Variants in MAT1A observed in about 807,000 individuals in gnomAD.
The protein encoded by MAT1A is S-adenosylmethionine synthase isoform type-1.
MAT1A carries 19 observed loss-of-function variants against 44.0 expected under a neutral mutation model. The ratio of observed to expected loss-of-function variants is 0.43; its 90% CI spans 0.30 to 0.63. The LOEUF is 0.63. Ranked by LOEUF, MAT1A falls within the 30% of genes least tolerant of loss-of-function variation. MAT1A has a pLI of 0.12. For synonymous variants in MAT1A, 205 were observed against 205.6 expected, an observed-to-expected ratio of 1.00 and a Z score of 0.03; for missense variants, 397 against 531.0, an observed-to-expected ratio of 0.75 and a Z score of 2.48.
At position 80,272,333 on chromosome 10, in the gene MAT1A, G is replaced by C. The variant is rs1306812022; in HGVS notation, c.*1448C>G. The C allele has an allele frequency of 2.6e-5, 4 of 153,126 alleles. No individual in the cohort carries two copies. Among genetic ancestry groups the C allele is most frequent in the East Asian group, 3.8e-4 (2 of 5,228 alleles). The allele number at this position is 153,126 out of a possible 1,614,324, so 9.5% of individuals were successfully genotyped here. A position where few individuals can be genotyped will look rare whatever the true frequency, so the allele number is the denominator to read the frequency against. On this transcript the variant is annotated 3_prime_UTR_variant, in exon 9 of 9. Coordinates refer to ENST00000372213, the MANE Select transcript of MAT1A (RefSeq NM_000429.3). ...GGCTAAGGACAAGTGGGGCAGGTAG[G>C]GCAGGTGCTGCTGGCCATGGATGGA...
chr10:80,275,368 G>C, intron 6 of MAT1A, 169 bp from the exon 7 acceptor site: 1 of 661,062 alleles, frequency 1.5e-6, no homozygotes. Context: ...TCCACTCCCA[G>C]CTCAGTCACT....
intron 6 of MAT1A, 130 bp downstream of exon 6, chr10:80,276,246 T>G: frequency 2.2e-6 from 2 of 923,610 alleles, no homozygotes; most frequent in Non-Finnish European, 3.5e-6. Flanking sequence ...ATTCACCGAC[T>G]TTACATTTAG....
intron 5 of MAT1A, 64 bp downstream of exon 5, chr10:80,280,109 C>T (rs1841543399): frequency 6.4e-7 from 1 of 1,562,672 alleles, no homozygotes; most frequent in Admixed American, 1.7e-5. Context: ...AATCAAGAAT[C>T]AAGAGGATTT....
At chr10:80,279,877 T>C (rs1166752683) in intron 5 of MAT1A, among the ~76,000 whole-genome samples, 3 of 151,986 alleles carry the variant, frequency 2.0e-5, no homozygotes, top group African/African-American at 7.3e-5. Context: ...GCCAGTTAAG[T>C]ATGTTTGTGG....
chr10:80,278,213 T>G (rs1352342416), intron 5 of MAT1A, among the ~76,000 whole-genome samples: 1 of 152,236 alleles, frequency 6.6e-6, no homozygotes, highest in African/African-American at 2.4e-5. Context: ...ATTGGCATTT[T>G]CGAGACAATC....
At chr10:80,286,974 T>C (rs889981473) in intron 1 of MAT1A, among the ~76,000 whole-genome samples, 11 of 152,266 alleles carry the variant, frequency 7.2e-5, no homozygotes, top group African/African-American at 2.7e-4. Flanking sequence ...CTCCTGCCAG[T>C]GGCAGACCCT....
rs772736500 is a variant in MAT1A, at chr10:80,284,007, C to T, written c.201G>A (p.Leu67=). The change falls in exon 3 of 9, where the codon CTG becomes CTA. Residue 67 remains leucine (L), a synonymous_variant. Coordinates refer to ENST00000372213, the MANE Select transcript of MAT1A (RefSeq NM_000429.3). ...ETVCKTGMVL[L]CGEITSMAMV... ...TGGCCATTGAGGTGATCTCACCACA[C>T]AGCAGCACCATGCCGGTCTTGCACA... The T allele has an allele frequency of 3.7e-6, 6 of 1,614,206 alleles. No individual in the cohort carries two copies. In the Admixed American group the frequency reaches 5.0e-5, roughly 13 times the overall value.
rs1841417561 is a variant in MAT1A at position 80,272,124 on chromosome 10, GCCAAGGC to G, written c.*1650_*1656del. 6.6e-6 allele frequency: 1 copy of G among 152,148 alleles called. No homozygotes were observed. The highest frequency in any genetic ancestry group is 2.4e-5 in the African/African-American group (1 of 41,398). The allele number at this position is 152,148 out of a possible 1,614,324, so 9.4% of individuals were successfully genotyped here. A position where few individuals can be genotyped will look rare whatever the true frequency, so the allele number is the denominator to read the frequency against. On this transcript the variant is annotated 3_prime_UTR_variant, in exon 9 of 9. Transcript: ENST00000372213. ...GAAAGCCAGGGTCTTTGTGCTCCAG[GCCAAGGC>G]CCAGATGCTGGCTGCCTGCTCCCCA...
intron 3 of MAT1A, among the ~76,000 whole-genome samples, chr10:80,281,469 A>G (rs1841566284): frequency 6.6e-6 from 1 of 152,146 alleles, no homozygotes. Flanking sequence ...CTGGACTAGC[A>G]GTAGCTCAGC....
chr10:80,275,056 A>G lies in MAT1A; in HGVS notation c.912T>C (p.Ser304=). The G allele has an allele frequency of 6.4e-7, 1 of 1,566,062 alleles. No homozygotes were observed. The highest frequency in any genetic ancestry group is 1.4e-5 in the African/African-American group (1 of 73,726). The change falls in exon 7 of 9, where the codon TCT becomes TCC. Residue 304 remains serine, a synonymous_variant. Coordinates refer to ENST00000372213, the MANE Select transcript of MAT1A (RefSeq NM_000429.3). ...TCCGGCAGAGCCCTGCTTTCACCAG[A>G]GACTTGGCCACCCAGCGGGCAGCAT... ...AAYAARWVAK[S]LVKAGLCRRV...
At chr10:80,275,999 G>A (rs540475917) in intron 6 of MAT1A, among the ~76,000 whole-genome samples, 1 of 152,310 alleles carries the variant, frequency 6.6e-6, no homozygotes, top group African/African-American at 2.4e-5. Flanking sequence ...TGAAGATCTG[G>A]AAACAGCCAC....
chr10:80,284,638 G>A (rs1003984373), intron 2 of MAT1A, among the ~76,000 whole-genome samples: 1 of 152,238 alleles, frequency 6.6e-6, no homozygotes, highest in African/African-American at 2.4e-5. Flanking sequence ...AGTAAGGAGA[G>A]CAAGGCTCTG....
rs757190246 is a variant in MAT1A, at chr10:80,280,262, T to C, written c.460A>G (p.Ile154Val). ...GCGTTGAGCTTGTGAGCAAGGATGA[T>C]GGTGAGGGGCATGCACTCCTCTGTC... ...DETEECMPLT[I>V]ILAHKLNARM... is the part of the protein sequence containing the mutation. The change falls in exon 5 of 9, where the codon ATC (isoleucine) becomes GTC (valine). Residue 154 changes from isoleucine to valine, a missense_variant. Transcript: ENST00000372213. 6.8e-6 allele frequency: 11 copies of C among 1,613,804 alleles called. No individual in the cohort carries two copies. Among genetic ancestry groups the C allele is most frequent in the Non-Finnish European group, 8.5e-6 (10 of 1,179,974 alleles).
At chr10:80,285,475 T>C in intron 2 of MAT1A, 37 bp downstream of exon 2, 1 of 1,576,282 alleles carries the variant, frequency 6.3e-7, no homozygotes, top group Non-Finnish European at 8.7e-7. Flanking sequence ...TCTAGCCCAC[T>C]TAGGTCTCCA....
intron 5 of MAT1A, among the ~76,000 whole-genome samples, chr10:80,279,297 G>A (rs1281763026): frequency 6.6e-6 from 1 of 152,104 alleles, no homozygotes; most frequent in African/African-American, 2.4e-5. Context: ...CTGGGGACAT[G>A]GGTAGGTGGA....
At chr10:80,285,358 C>A (rs1841634814) in intron 2 of MAT1A, among the ~76,000 whole-genome samples, 154 bp downstream of exon 2, 1 of 152,214 alleles carries the variant, frequency 6.6e-6, no homozygotes, top group South Asian at 2.1e-4. Context: ...CCTGTTACTA[C>A]ACAGGGGAGG....
chr10:80,278,429 T>C (rs964452236), intron 5 of MAT1A, among the ~76,000 whole-genome samples: 1 of 152,200 alleles, frequency 6.6e-6, no homozygotes, highest in Non-Finnish European at 1.5e-5. Context: ...TGTTCTAAGA[T>C]TTCCCCTTCT....
At position 80,273,719 on chromosome 10, in the gene MAT1A, G is replaced by T; in HGVS notation, c.*62C>A. On this transcript the variant is annotated 3_prime_UTR_variant, in exon 9 of 9. Transcript: ENST00000372213. The stretch of plus-strand genomic sequence containing the variant: ...AAGGCGATCAGCAGCCAGGCGTCTG[G>T]GGAAGAGGAGCATGGCCACCAGGTG... 2 of 1,205,352 alleles carry T rather than the reference G, an allele frequency of 1.7e-6. No homozygotes were observed. Among genetic ancestry groups the T allele is most frequent in the Non-Finnish European group, 2.5e-6 (2 of 809,664 alleles). 74.7% of individuals were successfully genotyped at this position (1,205,352 alleles called of 1,614,324 possible). A position where few individuals can be genotyped will look rare whatever the true frequency, so the allele number is the denominator to read the frequency against.
At chr10:80,286,762 A>C (rs1457993309) in intron 1 of MAT1A, among the ~76,000 whole-genome samples, 3 of 152,354 alleles carry the variant, frequency 2.0e-5, no homozygotes, top group South Asian at 4.1e-4. Context: ...AGTGTTAAAA[A>C]TACCCACAGT....
Sources: gnomAD v4.1 joint callset for allele counts (sites outside exome capture counted in the v4.1 genomes callset) on GRCh38, gnomAD v4.1.1 for gene constraint, MANE v1.5 for transcripts, NCBI Gene and HGNC (gene_info 2026-07-23, HGNC 2026-07-21) for gene names.